The following COL24A1 variants were observed in gnomAD, a reference collection of about 807,000 sequenced individuals.
COL24A1 encodes the protein collagen alpha-1(XXIV) chain.
COL24A1 carries 224 observed loss-of-function variants against 253.9 expected under a neutral mutation model. That is an observed-to-expected ratio of 0.88 (90% CI 0.79 to 0.99). COL24A1 has a LOEUF of 0.99. COL24A1 is among the 50% of genes least tolerant of loss of function. COL24A1 has a pLI of 0.00. For synonymous variants in COL24A1, 685 were observed against 673.7 expected (o/e 1.02, Z -0.26); for missense variants, 2,131 against 2,068.5 (o/e 1.03, Z -0.59).
intron 18 of COL24A1, among the ~76,000 whole-genome samples, chr1:86,017,484 G>T (rs1006625910): frequency 6.6e-6 from 1 of 152,132 alleles, no homozygotes; most frequent in Non-Finnish European, 1.5e-5. Flanking sequence ...GTTTATATGT[G>T]TTTCACAGAG....
intron 19 of COL24A1, among the ~76,000 whole-genome samples, chr1:85,997,232 A>C (rs956881343): frequency 2.6e-5 from 4 of 151,618 alleles, no homozygotes; most frequent in Non-Finnish European, 4.4e-5. Context: ...TCAGCTGTGT[A>C]GGTGCCTGCA....
chr1:85,827,284 T>C (rs1674498396), intron 43 of COL24A1, among the ~76,000 whole-genome samples: 2 of 151,552 alleles, frequency 1.3e-5, no homozygotes, highest in South Asian at 4.2e-4. Flanking sequence ...GCCCACTTGA[T>C]CATGGTGGAT....
intron 23 of COL24A1, among the ~76,000 whole-genome samples, chr1:85,963,900 T>G (rs1463141716): frequency 6.6e-6 from 1 of 151,978 alleles, no homozygotes; most frequent in Non-Finnish European, 1.5e-5. Flanking sequence ...CAAGGAGAAT[T>G]GATTAAGCCT....
At chr1:85,833,378 C>T (rs1293314381) in intron 43 of COL24A1, among the ~76,000 whole-genome samples, 6 of 152,238 alleles carry the variant, frequency 3.9e-5, no homozygotes, top group Admixed American at 3.3e-4. Flanking sequence ...CTCATCATCA[C>T]TGGCCATCAG....
chr1:85,987,231 T>C (rs143115317), intron 20 of COL24A1, among the ~76,000 whole-genome samples: 1 of 151,952 alleles, frequency 6.6e-6, no homozygotes, highest in African/African-American at 2.4e-5. Flanking sequence ...CACCACAGGC[T>C]TTCTTTTATT....
chr1:85,832,845 C>G lies in COL24A1; in HGVS notation c.3681+5740G>C, dbSNP rs553292978. On this transcript the variant is annotated intron_variant, in intron 43 of 59. Coordinates refer to ENST00000370571, the MANE Select transcript of COL24A1 (RefSeq NM_152890.7). ...TTTTGGGCCGAGACAATGGGGTTTT[C>G]TAGATATACAATCATGTCATCTGCA... is the stretch of plus-strand genomic sequence containing the variant. Among the ~76,000 whole-genome samples the G allele has an allele frequency of 6.8e-3, 1,024 of 150,172 alleles. 16 individuals are homozygous for G. The highest frequency in any genetic ancestry group is 0.024 in the African/African-American group (969 of 39,806).
At chr1:85,739,736 G>A (rs2100866824) in intron 57 of COL24A1, among the ~76,000 whole-genome samples, 1 of 152,180 alleles carries the variant, frequency 6.6e-6, no homozygotes, top group Middle Eastern at 3.4e-3. Context: ...CTTTCAACAT[G>A]TTGGTCTTCA....
intron 32 of COL24A1, among the ~76,000 whole-genome samples, chr1:85,884,836 G>A (rs1178471748): frequency 6.6e-6 from 1 of 152,138 alleles, no homozygotes. Flanking sequence ...GGAAGTCAGA[G>A]GGAATTTTTC....
chr1:85,900,415 G>T (rs1215757863), intron 28 of COL24A1, among the ~76,000 whole-genome samples: 1 of 152,084 alleles, frequency 6.6e-6, no homozygotes, highest in Non-Finnish European at 1.5e-5. Flanking sequence ...GAGGAGGGAG[G>T]ATCACTTGAG....
intron 28 of COL24A1, among the ~76,000 whole-genome samples, chr1:85,900,094 C>G (rs1184436570): frequency 6.6e-6 from 1 of 152,098 alleles, no homozygotes; most frequent in Non-Finnish European, 1.5e-5. Context: ...AATCAAGGAA[C>G]TCCCTCTAAA....
At chr1:85,917,119 A>G (rs1479600555) in intron 24 of COL24A1, among the ~76,000 whole-genome samples, 4 of 152,220 alleles carry the variant, frequency 2.6e-5, no homozygotes, top group African/African-American at 9.6e-5. Flanking sequence ...CCAGATCTAT[A>G]TGTATCAACA....
rs562416446 is a variant in COL24A1, at chr1:85,886,805, T to A, written c.2976+2755A>T. On this transcript the variant is annotated intron_variant, in intron 32 of 59. Coordinates refer to ENST00000370571, the MANE Select transcript of COL24A1 (RefSeq NM_152890.7). ...CTTCCTTTTACTTCATTAAGGTGGA[T>A]AATTCTTTATATACATGGTTAAATT... Among the ~76,000 whole-genome samples the A allele has an allele frequency of 4.6e-5, 7 of 152,366 alleles. No individual in the cohort carries two copies. In the South Asian group the frequency reaches 1.4e-3, roughly 32 times the overall value.
At chr1:85,784,517 C>A in intron 48 of COL24A1, 151 bp from the exon 49 acceptor site, 1 of 588,198 alleles carries the variant, frequency 1.7e-6, no homozygotes, top group Non-Finnish European at 3.0e-6. Flanking sequence ...ATCTTGTTCA[C>A]CAATATTTTC....
chr1:86,151,501 A>G (rs1275888141), intron 1 of COL24A1, among the ~76,000 whole-genome samples: 2 of 152,222 alleles, frequency 1.3e-5, no homozygotes, highest in Admixed American at 6.5e-5. Context: ...AACACTCTGC[A>G]TGAGTCTGGC....
intron 59 of COL24A1, among the ~76,000 whole-genome samples, chr1:85,732,454 C>A (rs1048002632): frequency 3.3e-5 from 5 of 151,890 alleles, no homozygotes; most frequent in African/African-American, 1.2e-4. Flanking sequence ...TGGTCTCGAT[C>A]TCCTGATCTT....
chr1:85,810,368 C>A (rs556626594), intron 47 of COL24A1, among the ~76,000 whole-genome samples: 1 of 152,108 alleles, frequency 6.6e-6, no homozygotes, highest in Non-Finnish European at 1.5e-5. Flanking sequence ...AAATAACCTG[C>A]CCCTTATTTA....
chr1:85,763,411 C>G (rs1023087606), intron 53 of COL24A1, among the ~76,000 whole-genome samples: 1 of 151,714 alleles, frequency 6.6e-6, no homozygotes, highest in African/African-American at 2.4e-5. Flanking sequence ...GAGTGAGACT[C>G]TGTCTCCAAA....
At chr1:85,798,741 C>T (rs1484315333) in intron 47 of COL24A1, among the ~76,000 whole-genome samples, 1 of 152,114 alleles carries the variant, frequency 6.6e-6, no homozygotes, top group East Asian at 1.9e-4. Flanking sequence ...AGACAAGAAA[C>T]TCATTTTAGA....
At chr1:85,781,341 T>C in intron 51 of COL24A1, 68 bp from the exon 52 acceptor site, 1 of 1,069,852 alleles carries the variant, frequency 9.3e-7, no homozygotes, top group Non-Finnish European at 1.4e-6. Context: ...CCACAGAATC[T>C]CTTGTACAAT....
Sources: allele counts gnomAD v4.1 joint callset (sites outside exome capture counted in the v4.1 genomes callset), GRCh38; gene constraint gnomAD v4.1.1; transcripts MANE v1.5; gene names NCBI Gene and HGNC (gene_info 2026-07-23, HGNC 2026-07-21).